Variants in LONRF1 observed in about 807,000 individuals in gnomAD.
LONRF1 encodes the protein LON peptidase N-terminal domain and ring finger 1, also known as LON peptidase N-terminal domain and RING finger protein 1.
A neutral mutation model predicts 85.8 loss-of-function variants in LONRF1; 37 were observed. The ratio of observed to expected loss-of-function variants is 0.43; its 90% CI spans 0.33 to 0.57. The LOEUF (loss-of-function observed/expected upper bound fraction) is 0.57. Ranked by LOEUF, LONRF1 falls within the 20% of genes least tolerant of loss-of-function variation. The pLI, the probability that LONRF1 is intolerant of heterozygous loss-of-function variation, is 0.04. For missense variants in LONRF1, 1,036 were observed against 978.0 expected (o/e 1.06, Z -0.79); for synonymous variants, 517 against 390.1 (o/e 1.33, Z -3.83).
At chr8:12,724,111 C>T (rs542313429) in intron 11 of LONRF1, among the ~76,000 whole-genome samples, 24 of 152,254 alleles carry the variant, frequency 1.6e-4, no homozygotes, top group African/African-American at 3.9e-4. Context: ...GTGTATTGTC[C>T]GCTGTCAACT....
rs887760852 is a variant in LONRF1 at position 12,736,819 on chromosome 8, G to A, written c.1355-22C>T. ...GTTTCTATTAAAACAAAGACATGGG[G>A]TTTTCTTCCTTAGGAAAAACTTTAA... On this transcript the variant is annotated intron_variant, in intron 5 of 11. Transcript: ENST00000398246. 3.1e-6 allele frequency: 5 copies of A among 1,587,720 alleles called. No individual in the cohort carries two copies. The African/African-American group carries it at 6.8e-5, about 22-fold the overall frequency.
chr8:12,743,438 C>A lies in LONRF1; in HGVS notation c.722-156G>T, dbSNP rs373597582. Reference sequence around the variant, plus strand: ...AAGCCAAAGGCAGTATAGGCACAACCCATTTTACGTGTTGAATCTTATCTA... The same window carrying A: ...AAGCCAAAGGCAGTATAGGCACAACACATTTTACGTGTTGAATCTTATCTA... On this transcript the variant is annotated intron_variant, in intron 1 of 11. Coordinates refer to ENST00000398246, the MANE Select transcript of LONRF1 (RefSeq NM_152271.5). 2.2e-4 allele frequency among the ~76,000 whole-genome samples: 34 copies of A among 152,228 alleles called. No homozygotes were observed. The Middle Eastern group carries it at 0.02, about 91-fold the overall frequency.
chr8:12,746,156 C>A (rs148273751), intron 1 of LONRF1, among the ~76,000 whole-genome samples: 1 of 152,270 alleles, frequency 6.6e-6, no homozygotes, highest in Non-Finnish European at 1.5e-5. Context: ...GGGTTAGGCT[C>A]CCCAAATCTC....
At chr8:12,732,478 G>A (rs879758130) in intron 7 of LONRF1, among the ~76,000 whole-genome samples, 11 of 152,074 alleles carry the variant, frequency 7.2e-5, no homozygotes, top group Non-Finnish European at 1.3e-4. Flanking sequence ...ATCTACCCCA[G>A]CTCTATATAA....
chr8:12,752,682 G>C (rs1221332951), intron 1 of LONRF1, among the ~76,000 whole-genome samples: 6 of 152,164 alleles, frequency 3.9e-5, no homozygotes, highest in Middle Eastern at 3.2e-3. Context: ...CCAAGAACCA[G>C]AATCTCTGTT....
chr8:12,754,555 G>A lies in LONRF1; in HGVS notation c.721+145C>T, dbSNP rs970015992. On this transcript the variant is annotated intron_variant, in intron 1 of 11. Transcript: ENST00000398246. Reference sequence around the variant, plus strand: ...GCGCCGCCCCCTCCCACACCCCCCAGCACCCCGAGACCCGACACGCCAGCG... The same window carrying A: ...GCGCCGCCCCCTCCCACACCCCCCAACACCCCGAGACCCGACACGCCAGCG... The A allele has an allele frequency of 2.3e-5, 21 of 914,030 alleles. No individual in the cohort carries two copies. In the African/African-American group the frequency reaches 3.0e-4, roughly 13 times the overall value. The allele number at this position is 914,030 out of a possible 1,614,324, so 56.6% of individuals were successfully genotyped here.
At chr8:12,731,546 C>A (rs534928664) in intron 8 of LONRF1, among the ~76,000 whole-genome samples, 190 bp downstream of exon 8, 1 of 152,160 alleles carries the variant, frequency 6.6e-6, no homozygotes, top group South Asian at 2.1e-4. Context: ...GAGTCAATAA[C>A]TCCCTATAAA....
In LONRF1 at chr8:12,743,263, T is replaced by C. The variant is rs1397760075; in HGVS notation, c.741A>G (p.Val247=). The part of the protein sequence containing the change: ...ALRAEPSDLI[V]KIYRAESYAG... ...CATATGATTCCGCTCTGTAAATTTT[T>C]ACAATCAAGTCACTGGGTTCTGAAA... Residue 247 remains valine, a synonymous_variant, in exon 2 of 12, where the codon GTA becomes GTG. Transcript: ENST00000398246. 1 of 1,601,928 alleles carries C rather than the reference T, an allele frequency of 6.2e-7. No homozygotes were observed. The highest frequency in any genetic ancestry group is 1.1e-5 in the South Asian group (1 of 90,206).
intron 1 of LONRF1, among the ~76,000 whole-genome samples, chr8:12,747,375 G>C (rs568171631): frequency 6.6e-6 from 1 of 152,020 alleles, no homozygotes; most frequent in Non-Finnish European, 1.5e-5. Flanking sequence ...CTTCAAGAAA[G>C]TTTTTTTCAA....
chr8:12,731,701 G>C (rs1329192648), intron 8 of LONRF1, 35 bp downstream of exon 8: 1 of 1,583,288 alleles, frequency 6.3e-7, no homozygotes, highest in African/African-American at 1.4e-5. Flanking sequence ...TTAAAGGGTA[G>C]TAGTTCATAA....
intron 8 of LONRF1, among the ~76,000 whole-genome samples, chr8:12,730,161 G>A (rs1798473269): frequency 6.6e-6 from 1 of 152,132 alleles, no homozygotes; most frequent in Non-Finnish European, 1.5e-5. Context: ...ATCAATTATG[G>A]TACATCCATA....
At chr8:12,738,602 C>T (rs941611719) in intron 3 of LONRF1, 2 of 152,332 alleles carry the variant, frequency 1.3e-5, no homozygotes, top group Non-Finnish European at 2.9e-5. Context: ...CCTGTACTTA[C>T]ACTCAATTTA....
intron 11 of LONRF1, among the ~76,000 whole-genome samples, chr8:12,723,549 G>C (rs1444729780): frequency 6.6e-6 from 1 of 152,114 alleles, no homozygotes; most frequent in Non-Finnish European, 1.5e-5. Flanking sequence ...AAGGCTTCTC[G>C]ACCTCAGGCT....
chr8:12,740,992 T>G lies in LONRF1; in HGVS notation c.845A>C (p.Tyr282Ser). ...LFQLPDWPEV[Y>S]FRKGKVLCDA... ...GCAGAGTACTTTTCCTTTCCTGAAG[T>G]AGACCTTTAATAAAAGCAGATATAT... The change falls in exon 3 of 12, where the codon TAC becomes TCC. Residue 282 changes from tyrosine (Y) to serine (S), a missense_variant. Physicochemically the swap from Tyr to Ser is moderately radical, Grantham distance 144. Coordinates refer to ENST00000398246, the MANE Select transcript of LONRF1 (RefSeq NM_152271.5). 1 of 1,612,796 alleles carries G rather than the reference T, an allele frequency of 6.2e-7. No homozygotes were observed. Among genetic ancestry groups the G allele is most frequent in the Non-Finnish European group, 8.5e-7 (1 of 1,179,282 alleles).
At position 12,751,301 on chromosome 8, in the gene LONRF1, T is replaced by TTTTTTTTTTGTTTTG. The variant is rs1554469357; in HGVS notation, c.721+3398_721+3399insCAAAACAAAAAAAAA. On this transcript the variant is annotated intron_variant, in intron 1 of 11. Coordinates refer to ENST00000398246, the MANE Select transcript of LONRF1 (RefSeq NM_152271.5). ...GATTATATTTTTATTTTTATGTTTT[T>TTTTTTTTTTGTTTTG]TTTTTTTTTTTTTTTTTTTGAGACT... Among the ~76,000 whole-genome samples the TTTTTTTTTTGTTTTG allele has an allele frequency of 7.3e-4, 65 of 89,284 alleles. 1 individual carries two copies. The Middle Eastern group carries it at 0.013, about 18-fold the overall frequency. The allele number at this position is 89,284 out of a possible 152,430, so 58.6% of individuals were successfully genotyped here.
Position 12,755,195 on chromosome 8 carries a change from G to A in LONRF1, c.226C>T (p.Arg76Cys), listed in dbSNP as rs1173419756. Reference protein sequence around the residue: ...GALEAFAAALRRGAPARPECL... With the variant: ...GALEAFAAALCRGAPARPECL... Reference sequence around the variant, plus strand: ...TCGGGCCTGGCCGGGGCCCCGCGGCGCAGCGCCGCCGCGAACGCCTCCAGC... The same window carrying A: ...TCGGGCCTGGCCGGGGCCCCGCGGCACAGCGCCGCCGCGAACGCCTCCAGC... The change falls in exon 1 of 12, where the codon CGC becomes TGC. Residue 76 changes from arginine to cysteine, a missense_variant. Physicochemically the swap from Arg to Cys is radical, Grantham distance 180. Coordinates refer to ENST00000398246, the MANE Select transcript of LONRF1 (RefSeq NM_152271.5). 4 of 1,295,734 alleles carry A rather than the reference G, an allele frequency of 3.1e-6. No homozygotes were observed. Among genetic ancestry groups the A allele is most frequent in the South Asian group, 4.8e-5 (2 of 41,574 alleles). The allele number at this position is 1,295,734 out of a possible 1,614,324, so 80.3% of individuals were successfully genotyped here.
rs771038651 is a variant in LONRF1 at position 12,722,800 on chromosome 8, A to ACT, written c.*294_*295dup. The ACT allele has an allele frequency of 1.8e-5, 4 of 223,410 alleles. No individual in the cohort carries two copies. Among genetic ancestry groups the ACT allele is most frequent in the Admixed American group, 5.3e-5 (1 of 18,872 alleles). The allele number at this position is 223,410 out of a possible 1,614,324, so 13.8% of individuals were successfully genotyped here. On this transcript the variant is annotated 3_prime_UTR_variant, in exon 12 of 12. Coordinates refer to ENST00000398246, the MANE Select transcript of LONRF1 (RefSeq NM_152271.5). ...CACACGCACGCACACACACACACAC[A>ACT]CTCTCTCACAGACATAAAGAGTTCT...
At chr8:12,747,591 T>C (rs1469925898) in intron 1 of LONRF1, among the ~76,000 whole-genome samples, 1 of 151,898 alleles carries the variant, frequency 6.6e-6, no homozygotes, top group South Asian at 2.1e-4. Flanking sequence ...GGTCTTCTAA[T>C]GAGCTAAGCA....
chr8:12,728,688 G>C (rs1043968266), intron 10 of LONRF1, among the ~76,000 whole-genome samples: 2 of 152,206 alleles, frequency 1.3e-5, no homozygotes, highest in Non-Finnish European at 2.9e-5. Flanking sequence ...CAGAAATAAA[G>C]AGAATCTATG....
Sources: gnomAD v4.1 joint callset for allele counts (sites outside exome capture counted in the v4.1 genomes callset) on GRCh38, gnomAD v4.1.1 for gene constraint, MANE v1.5 for transcripts, NCBI Gene and HGNC (gene_info 2026-07-23, HGNC 2026-07-21) for gene names.